Variants in TUFT1 observed in about 807,000 individuals in gnomAD.
TUFT1 encodes tuftelin 1.
In TUFT1, 43 loss-of-function variants were observed where a neutral mutation model predicts 57.8. The ratio of observed to expected loss-of-function variants is 0.74; its 90% CI spans 0.58 to 0.96. TUFT1 has a LOEUF of 0.96. Among genes scored for constraint, TUFT1 ranks in the 40% least tolerant of loss-of-function variants. TUFT1 has a pLI of 0.00. For missense variants in TUFT1, 459 were observed against 489.0 expected (o/e 0.94, Z 0.58); for synonymous variants, 166 against 176.7 (o/e 0.94, Z 0.48).
intron 2 of TUFT1, 77 bp from the exon 3 acceptor site, chr1:151,562,508 G>C: frequency 1.6e-6 from 2 of 1,245,180 alleles, no homozygotes. Flanking sequence ...TAGCTGAGGG[G>C]CAGGAGTTCT....
At chr1:151,570,343 G>A (rs1483018952) in intron 7 of TUFT1, among the ~76,000 whole-genome samples, 3 of 151,798 alleles carry the variant, frequency 2.0e-5, no homozygotes, top group South Asian at 4.2e-4. Flanking sequence ...GTGCAGTGGC[G>A]CAATCTTGGC....
At chr1:151,544,912 A>G (rs4970957) in intron 1 of TUFT1, among the ~76,000 whole-genome samples, 25,983 of 152,118 alleles carry the variant, frequency 0.17, 3,140 homozygotes, top group East Asian at 0.47. Context: ...AGGAAAATCT[A>G]TACTCCCACC....
At chr1:151,575,076 G>T in intron 9 of TUFT1, 71 bp downstream of exon 9, 4 of 1,366,832 alleles carry the variant, frequency 2.9e-6, no homozygotes, top group Middle Eastern at 2.1e-4. Context: ...ACAGCCTGTT[G>T]CTCCTGTGGT....
At chr1:151,581,317 A>G (rs1571724509) in intron 12 of TUFT1, among the ~76,000 whole-genome samples, 1 of 152,192 alleles carries the variant, frequency 6.6e-6, no homozygotes, top group Non-Finnish European at 1.5e-5. Context: ...GCATATTTCT[A>G]GGGAGAGGGT....
intron 7 of TUFT1, 43 bp downstream of exon 7, chr1:151,569,813 C>A: frequency 6.8e-7 from 1 of 1,474,302 alleles, no homozygotes; most frequent in Non-Finnish European, 9.5e-7. Context: ...AAGGGATGGG[C>A]TACTGAACAC....
intron 9 of TUFT1, among the ~76,000 whole-genome samples, chr1:151,577,461 C>T (rs1441162766): frequency 6.6e-6 from 1 of 152,134 alleles, no homozygotes; most frequent in Non-Finnish European, 1.5e-5. Context: ...TGCAAAGGCT[C>T]AGGAACCAGG....
intron 1 of TUFT1, among the ~76,000 whole-genome samples, chr1:151,555,976 C>T (rs1470662286): frequency 6.6e-6 from 1 of 151,950 alleles, no homozygotes; most frequent in East Asian, 1.9e-4. Context: ...CTCATGTTGC[C>T]CTTTGAGAGC....
At chr1:151,554,698 T>TCC (rs1558004539) in intron 1 of TUFT1, among the ~76,000 whole-genome samples, 30 of 119,232 alleles carry the variant, frequency 2.5e-4, no homozygotes, top group South Asian at 6.2e-4. Context: ...CGGCCCCCTT[T>TCC]TTTTTTTTTT....
chr1:151,572,978 T>A (rs1234306554), intron 7 of TUFT1, among the ~76,000 whole-genome samples: 2 of 152,216 alleles, frequency 1.3e-5, no homozygotes, highest in Non-Finnish European at 2.9e-5. Context: ...TGGGAAGCAC[T>A]GAAATGGATG....
intron 7 of TUFT1, among the ~76,000 whole-genome samples, chr1:151,570,431 G>A (rs1443504662): frequency 5.3e-5 from 8 of 151,910 alleles, no homozygotes; most frequent in South Asian, 4.1e-4. Flanking sequence ...ACAGGCATGC[G>A]CCACCATGCC....
intron 6 of TUFT1, among the ~76,000 whole-genome samples, chr1:151,568,302 T>C (rs953214843): frequency 6.6e-5 from 10 of 152,320 alleles, no homozygotes; most frequent in African/African-American, 2.4e-4. Context: ...GCTTTAAATA[T>C]GCCTGTAAAA....
Position 151,540,318 on chromosome 1 carries a change from C to A in TUFT1, c.-49C>A. 6.2e-7 allele frequency: 1 copy of A among 1,612,966 alleles called. No individual in the cohort carries two copies. Among genetic ancestry groups the A allele is most frequent in the Non-Finnish European group, 8.5e-7 (1 of 1,179,254 alleles). On this transcript the variant is annotated 5_prime_UTR_variant, in exon 1 of 13. Coordinates refer to ENST00000368849, the MANE Select transcript of TUFT1 (RefSeq NM_020127.3). ...CCGCGCGCGCCCGCCCAGTTGGAGC[C>A]AGACAGCGGGGTGGACAAGTGGCGT... is the stretch of plus-strand genomic sequence containing the variant.
Position 151,569,761 on chromosome 1 carries a change from G to A in TUFT1, c.585G>A (p.Val195=), listed in dbSNP as rs751466603. ...AGCGGCAACACCAGTCAGACTGTGT[G>A]GCTTTTGAGGTGAGATTTGGGATTT... The part of the protein sequence containing the change: ...EAKRQHQSDC[V]AFEVTLSRYQ... The change falls in exon 7 of 13, where the codon GTG becomes GTA. Residue 195 remains valine, a synonymous_variant. Coordinates refer to ENST00000368849, the MANE Select transcript of TUFT1 (RefSeq NM_020127.3). The A allele has an allele frequency of 6.2e-7, 1 of 1,613,778 alleles. No homozygotes were observed. The highest frequency in any genetic ancestry group is 1.1e-5 in the South Asian group (1 of 91,052).
chr1:151,552,884 T>C (rs1224070705), intron 1 of TUFT1, among the ~76,000 whole-genome samples: 1 of 152,164 alleles, frequency 6.6e-6, no homozygotes, highest in Admixed American at 6.5e-5. Flanking sequence ...AAGCAGTCCA[T>C]TCTTAGATTT....
intron 10 of TUFT1, among the ~76,000 whole-genome samples, chr1:151,579,336 G>A (rs1323883656): frequency 6.6e-6 from 1 of 152,162 alleles, no homozygotes; most frequent in East Asian, 1.9e-4. Flanking sequence ...AACAGAGTCA[G>A]TCATATAGTA....
At chr1:151,549,214 C>A (rs1170786820) in intron 1 of TUFT1, among the ~76,000 whole-genome samples, 3 of 152,204 alleles carry the variant, frequency 2.0e-5, no homozygotes, top group Non-Finnish European at 2.9e-5. Context: ...AGAGACCCCC[C>A]TGCCGGATAT....
chr1:151,578,607 A>C, intron 9 of TUFT1, 114 bp from the exon 10 acceptor site: 4 of 824,526 alleles, frequency 4.9e-6, no homozygotes, highest in Non-Finnish European at 5.7e-6. Flanking sequence ...CTACCAGGGA[A>C]TCAGGCAAAG....
At chr1:151,557,949 A>C in intron 1 of TUFT1, 1 of 630,312 alleles carries the variant, frequency 1.6e-6, no homozygotes, top group Non-Finnish European at 3.0e-6. Context: ...AAAATTGGAG[A>C]GGATTATTTT....
chr1:151,575,151 T>G, intron 9 of TUFT1, 146 bp downstream of exon 9: 2 of 724,432 alleles, frequency 2.8e-6, no homozygotes, highest in Non-Finnish European at 4.6e-6. Context: ...ACCGTGAGCT[T>G]GCTCAGGGTG....
Sources: gnomAD v4.1 joint callset for allele counts (sites outside exome capture counted in the v4.1 genomes callset) on GRCh38, gnomAD v4.1.1 for gene constraint, MANE v1.5 for transcripts, NCBI Gene and HGNC (gene_info 2026-07-23, HGNC 2026-07-21) for gene names.